Variants in BEGAIN observed in about 807,000 individuals in gnomAD.
BEGAIN encodes the protein brain-enriched guanylate kinase-associated protein.
In BEGAIN, 19 loss-of-function variants were observed where a neutral mutation model predicts 35.8. That is an observed-to-expected ratio of 0.53 (90% CI 0.37 to 0.78). BEGAIN has a LOEUF of 0.78. BEGAIN is among the 30% of genes least tolerant of loss of function. The probability of loss-of-function intolerance (pLI) is 0.00; values close to 1 mark genes in which losing one functional copy is unlikely to be tolerated. For missense variants in BEGAIN, 795 were observed against 853.6 expected (o/e 0.93, Z 0.85); for synonymous variants, 462 against 388.6 (o/e 1.19, Z -2.22).
intron 2 of BEGAIN, among the ~76,000 whole-genome samples, chr14:100,550,241 G>T (rs2033049532): frequency 6.6e-6 from 1 of 152,130 alleles, no homozygotes. Context: ...GCCCAAGGAA[G>T]GAGCCCTTGG....
In BEGAIN at chr14:100,567,814, G is replaced by A. The variant is rs1458048101; in HGVS notation, c.71+97C>T. ...CCGAGGCCGCCCGCGGGCCCTGGGG[G>A]ATGCGCTCGGGTGGAGCCCCCTTCC... is the stretch of plus-strand genomic sequence containing the variant. On this transcript the variant is annotated intron_variant, in intron 2 of 6. Coordinates refer to ENST00000554140, the MANE Select transcript of BEGAIN (RefSeq NM_001385089.1). The surrounding 1 kb of genome is among the most constrained non-coding windows in gnomAD (Gnocchi z 5.1). The A allele has an allele frequency of 4.1e-5, 53 of 1,287,672 alleles. No homozygotes were observed. The highest frequency in any genetic ancestry group is 5.0e-5 in the Non-Finnish European group (49 of 973,464). 79.8% of individuals were successfully genotyped at this position (1,287,672 alleles called of 1,614,324 possible).
rs2035145678 is a variant in BEGAIN at position 100,573,943 on chromosome 14, G to C, written c.43-6004C>G. On this transcript the variant is annotated intron_variant, in intron 1 of 6. Coordinates refer to ENST00000554140, the MANE Select transcript of BEGAIN (RefSeq NM_001385089.1). The surrounding 1 kb of genome is among the most constrained non-coding windows in gnomAD (Gnocchi z 4.2). ...GACCGGCCAAGGAGACTGGGAAAGG[G>C]TGGGTGGGAGGTGGGAGGAGAGTCT... Among the ~76,000 whole-genome samples the C allele has an allele frequency of 6.6e-6, 1 of 151,574 alleles. No individual in the cohort carries two copies. Among genetic ancestry groups the C allele is most frequent in the South Asian group, 2.1e-4 (1 of 4,806 alleles).
intron 2 of BEGAIN, among the ~76,000 whole-genome samples, chr14:100,559,712 G>T (rs1024159042): frequency 6.6e-6 from 1 of 152,142 alleles, no homozygotes; most frequent in African/African-American, 2.4e-5. Context: ...ATCAGTAATC[G>T]TGGACTGCAG....
chr14:100,586,931 A>G lies in BEGAIN; in HGVS notation c.42+318T>C, dbSNP rs1450101204. Among the ~76,000 whole-genome samples, 1 of 151,454 alleles carries G rather than the reference A, an allele frequency of 6.6e-6. No homozygotes were observed. Among genetic ancestry groups the G allele is most frequent in the Non-Finnish European group, 1.5e-5 (1 of 67,776 alleles). On this transcript the variant is annotated intron_variant, in intron 1 of 6. Transcript: ENST00000554140. The surrounding 1 kb of genome is among the most constrained non-coding windows in gnomAD (Gnocchi z 4.9). ...CAGTCCTCCGGCCGCGCCCTTGGTC[A>G]CCCGTCCCTCCTTTCCTTCCGCCGC...
chr14:100,562,805 T>G (rs2034380784), intron 2 of BEGAIN, among the ~76,000 whole-genome samples: 1 of 152,196 alleles, frequency 6.6e-6, no homozygotes, highest in East Asian at 1.9e-4. Context: ...CCTTTCTTTT[T>G]GTCCCCGCAG....
chr14:100,578,599 G>C (rs985241209), intron 1 of BEGAIN, among the ~76,000 whole-genome samples: 5 of 152,236 alleles, frequency 3.3e-5, no homozygotes, highest in African/African-American at 9.6e-5. Flanking sequence ...AACAGAAGTT[G>C]GGTGTGACTG....
chr14:100,554,817 A>G (rs951479949), intron 2 of BEGAIN, among the ~76,000 whole-genome samples: 2 of 152,138 alleles, frequency 1.3e-5, no homozygotes, highest in Non-Finnish European at 2.9e-5. Context: ...CTAAAAGGCC[A>G]GTTCCTCACC....
At chr14:100,561,681 C>A (rs1182473005) in intron 2 of BEGAIN, among the ~76,000 whole-genome samples, 1 of 151,648 alleles carries the variant, frequency 6.6e-6, no homozygotes, top group Non-Finnish European at 1.5e-5. Flanking sequence ...GAGCCCTGGA[C>A]TGCACTCCAG....
Position 100,538,536 on chromosome 14 carries a change from C to T in BEGAIN, c.1272G>A (p.Gly424=), listed in dbSNP as rs1470152382. 1.3e-6 allele frequency: 2 copies of T among 1,515,282 alleles called. No homozygotes were observed. The highest frequency in any genetic ancestry group is 2.3e-5 in the East Asian group (1 of 42,944). 93.9% of individuals were successfully genotyped at this position (1,515,282 alleles called of 1,614,324 possible). ...PNLWSLRAKP[G]TARLPGEDMR... ...TGTCCTCCCCGGGGAGCCGGGCGGTCCCCGGCTTGGCCCGCAGGCTCCACA... is the reference window on the plus strand; with the variant it reads ...TGTCCTCCCCGGGGAGCCGGGCGGTTCCCGGCTTGGCCCGCAGGCTCCACA... Residue 424 remains glycine, a synonymous_variant, in exon 7 of 7, where the codon GGG becomes GGA. Coordinates refer to ENST00000554140, the MANE Select transcript of BEGAIN (RefSeq NM_001385089.1).
At chr14:100,579,000 A>G (rs1219761202) in intron 1 of BEGAIN, among the ~76,000 whole-genome samples, 1 of 151,896 alleles carries the variant, frequency 6.6e-6, no homozygotes, top group Admixed American at 6.6e-5. Flanking sequence ...AGTTGAGACT[A>G]CAGGCGCCTG....
chr14:100,550,590 G>T (rs554791105), intron 2 of BEGAIN: 39 of 398,348 alleles, frequency 9.8e-5, no homozygotes, highest in Non-Finnish European at 1.7e-4. Flanking sequence ...ACCATCAGGG[G>T]CACAGCCACA....
At chr14:100,561,772 G>A (rs1346923081) in intron 2 of BEGAIN, among the ~76,000 whole-genome samples, 2 of 152,116 alleles carry the variant, frequency 1.3e-5, no homozygotes. Context: ...ACAGACTTGG[G>A]ATTGAAACCT....
chr14:100,560,569 C>G (rs2034154083), intron 2 of BEGAIN, among the ~76,000 whole-genome samples: 1 of 152,166 alleles, frequency 6.6e-6, no homozygotes, highest in South Asian at 2.1e-4. Flanking sequence ...AATGCCACCA[C>G]CAGCCCCTCA....
chr14:100,547,222 G>T (rs2032643851), intron 2 of BEGAIN: 1 of 152,346 alleles, frequency 6.6e-6, no homozygotes, highest in Admixed American at 6.5e-5. Flanking sequence ...GGGCCAGAGA[G>T]ATGTTTGGTG....
intron 2 of BEGAIN, among the ~76,000 whole-genome samples, chr14:100,555,034 C>T (rs1474001594): frequency 1.3e-5 from 2 of 152,258 alleles, no homozygotes; most frequent in Non-Finnish European, 2.9e-5. Context: ...GATATCAGCC[C>T]TGGGAGAAGG....
intron 4 of BEGAIN, among the ~76,000 whole-genome samples, chr14:100,544,461 A>C (rs1276960855): frequency 6.6e-6 from 1 of 152,220 alleles, no homozygotes; most frequent in Non-Finnish European, 1.5e-5. Flanking sequence ...AGTAGAAAGA[A>C]AGGAAACCTC....
At position 100,538,220 on chromosome 14, in the gene BEGAIN, G is replaced by A; in HGVS notation, c.1588C>T (p.Pro530Ser). Residue 530 changes from proline (P) to serine (S), a missense_variant, in exon 7 of 7, where the codon CCC becomes TCC. Coordinates refer to ENST00000554140, the MANE Select transcript of BEGAIN (RefSeq NM_001385089.1). The part of the protein sequence containing the change: ...LSPGRSADPL[P>S]GYAPSEGGDG... ...CCCCCCTCGCTGGGTGCATAGCCGG[G>A]CAGTGGGTCAGCCGAGCGGCCGGGA... The A allele has an allele frequency of 6.4e-7, 1 of 1,567,448 alleles. No individual in the cohort carries two copies. Among genetic ancestry groups the A allele is most frequent in the Non-Finnish European group, 8.6e-7 (1 of 1,162,744 alleles).
intron 1 of BEGAIN, chr14:100,578,007 C>T (rs189208986): frequency 7.7e-4 from 309 of 399,084 alleles, no homozygotes; most frequent in Non-Finnish European, 1.1e-3. Context: ...ACCCACTCCT[C>T]TCCTCCCATG....
intron 2 of BEGAIN, among the ~76,000 whole-genome samples, chr14:100,554,731 C>G (rs1039931925): frequency 6.6e-6 from 1 of 152,160 alleles, no homozygotes. Flanking sequence ...GTAGTTCCCC[C>G]CAGATGGCTC....
Sources: allele counts gnomAD v4.1 joint callset (sites outside exome capture counted in the v4.1 genomes callset), GRCh38; gene constraint gnomAD v4.1.1; non-coding constraint Gnocchi (gnomAD v3.1); transcripts MANE v1.5; gene names NCBI Gene and HGNC (gene_info 2026-07-23, HGNC 2026-07-21).